The following CYYR1 variants were observed in gnomAD, a reference collection of about 807,000 sequenced individuals.
CYYR1 encodes cysteine and tyrosine rich 1.
A neutral mutation model predicts 15.2 loss-of-function variants in CYYR1; 14 were observed. The observed-to-expected ratio is 0.92, with a 90% CI of 0.61 to 1.44. The LOEUF is 1.44. Among genes scored for constraint, CYYR1 ranks in the 40% most tolerant of loss-of-function variants. CYYR1 has a pLI of 0.00. For missense variants in CYYR1, 228 were observed against 209.5 expected, an observed-to-expected ratio of 1.09 and a Z score of -0.54; for synonymous variants, 80 against 77.4, an observed-to-expected ratio of 1.03 and a Z score of -0.18.
chr21:26,480,235 CA>C, intron 3 of CYYR1, 36 bp downstream of exon 3: 1 of 1,565,786 alleles, frequency 6.4e-7, no homozygotes, highest in Non-Finnish European at 8.6e-7. Flanking sequence ...GGATAACTAG[CA>C]AATCTGAGCC....
chr21:26,523,297 A>G (rs550668263), intron 2 of CYYR1, among the ~76,000 whole-genome samples: 1 of 152,144 alleles, frequency 6.6e-6, no homozygotes, highest in Non-Finnish European at 1.5e-5. Context: ...CTGTGCTGTT[A>G]TCTGAGGAAA....
chr21:26,542,966 T>G (rs1275713133), intron 2 of CYYR1, among the ~76,000 whole-genome samples: 1 of 152,194 alleles, frequency 6.6e-6, no homozygotes, highest in Non-Finnish European at 1.5e-5. Context: ...TTTAGCCCAA[T>G]GCCTAAATGA....
At chr21:26,554,264 T>C (rs1264820845) in intron 2 of CYYR1, among the ~76,000 whole-genome samples, 1 of 152,196 alleles carries the variant, frequency 6.6e-6, no homozygotes, top group Non-Finnish European at 1.5e-5. Context: ...TCAATGGAGA[T>C]GAGCCATTGG....
intron 2 of CYYR1, among the ~76,000 whole-genome samples, chr21:26,545,394 C>T (rs945061435): frequency 8.6e-5 from 13 of 151,968 alleles, no homozygotes; most frequent in Non-Finnish European, 1.6e-4. Context: ...CAGTGGGAAG[C>T]AGCATCCACA....
chr21:26,476,628 C>CTATCTATG (rs1379890581), intron 3 of CYYR1, among the ~76,000 whole-genome samples: 2 of 149,932 alleles, frequency 1.3e-5, no homozygotes, highest in African/African-American at 2.4e-5. Flanking sequence ...ATCTATCTAT[C>CTATCTATG]TAATCTTCTA....
chr21:26,482,158 G>A (rs1440068901), intron 2 of CYYR1: 2 of 447,498 alleles, frequency 4.5e-6, no homozygotes, highest in African/African-American at 4.3e-5. Context: ...ATTTATCCTT[G>A]GTTAAATCAG....
chr21:26,547,073 G>C (rs1290340041), intron 2 of CYYR1, among the ~76,000 whole-genome samples: 1 of 152,074 alleles, frequency 6.6e-6, no homozygotes, highest in East Asian at 1.9e-4. Context: ...AGGGTGCAAG[G>C]ACTCATTTTT....
rs138586377 is a variant in CYYR1, at chr21:26,565,120, C to T, written c.176+1146G>A. Among the ~76,000 whole-genome samples the T allele has an allele frequency of 5.5e-3, 840 of 152,232 alleles. 8 individuals carry two copies. Among genetic ancestry groups the T allele is most frequent in the African/African-American group, 0.019 (785 of 41,548 alleles). ...GGTTTTTAATTATAGCTTGACATTTCTTTCACATCTATTATAGTGTTCAAG... is the reference window on the plus strand; with the variant it reads ...GGTTTTTAATTATAGCTTGACATTTTTTTCACATCTATTATAGTGTTCAAG... On this transcript the variant is annotated intron_variant, in intron 2 of 3. Coordinates refer to ENST00000652641, the MANE Select transcript of CYYR1 (RefSeq NM_001320768.2).
At chr21:26,536,300 A>G (rs984302495) in intron 2 of CYYR1, among the ~76,000 whole-genome samples, 13 of 152,286 alleles carry the variant, frequency 8.5e-5, no homozygotes, top group African/African-American at 2.9e-4. Context: ...GAGAGTAGAC[A>G]TAACTTACTG....
At chr21:26,544,744 A>G (rs1978830779) in intron 2 of CYYR1, among the ~76,000 whole-genome samples, 1 of 152,174 alleles carries the variant, frequency 6.6e-6, no homozygotes, top group Non-Finnish European at 1.5e-5. Flanking sequence ...TAAAAACAAC[A>G]TCTATCTCTA....
intron 2 of CYYR1, among the ~76,000 whole-genome samples, chr21:26,512,554 C>T (rs1316737378): frequency 6.6e-6 from 1 of 152,144 alleles, no homozygotes; most frequent in Non-Finnish European, 1.5e-5. Context: ...CAGATCTGGT[C>T]TGCTGCCTGT....
In CYYR1 at chr21:26,480,260, A is replaced by G. The variant is rs1569140056; in HGVS notation, c.334+12T>C. The stretch of plus-strand genomic sequence containing the variant: ...CAAATCTGAGCCTTCGAGAGTCAAC[A>G]GTTTTGCTCACCAGGATAGGAGGAG... On this transcript the variant is annotated intron_variant, in intron 3 of 3. Transcript: ENST00000652641. 2.5e-6 allele frequency: 4 copies of G among 1,599,358 alleles called. No individual in the cohort carries two copies. Among genetic ancestry groups the G allele is most frequent in the Non-Finnish European group, 3.4e-6 (4 of 1,173,892 alleles).
intron 2 of CYYR1, among the ~76,000 whole-genome samples, chr21:26,528,317 G>A (rs970124995): frequency 6.6e-6 from 1 of 152,114 alleles, no homozygotes; most frequent in African/African-American, 2.4e-5. Context: ...GTGATCCTTA[G>A]TGTTGGAGGT....
chr21:26,530,431 T>C lies in CYYR1; in HGVS notation c.176+35835A>G, dbSNP rs557112730. 5.3e-5 allele frequency among the ~76,000 whole-genome samples: 8 copies of C among 152,174 alleles called. No homozygotes were observed. In the South Asian group the frequency reaches 1.0e-3, roughly 20 times the overall value. ...TTTTGTTTTAAATTTAGCCTTAAAATGTGAGTTTATTGGGCATTTTATAAT... is the reference window on the plus strand; with the variant it reads ...TTTTGTTTTAAATTTAGCCTTAAAACGTGAGTTTATTGGGCATTTTATAAT... On this transcript the variant is annotated intron_variant, in intron 2 of 3. Coordinates refer to ENST00000652641, the MANE Select transcript of CYYR1 (RefSeq NM_001320768.2).
intron 1 of CYYR1, among the ~76,000 whole-genome samples, chr21:26,570,756 G>A (rs999538932): frequency 3.3e-5 from 5 of 152,214 alleles, no homozygotes; most frequent in Non-Finnish European, 5.9e-5. Context: ...TGGTGTTCCA[G>A]CATCTAACCT....
intron 2 of CYYR1, among the ~76,000 whole-genome samples, chr21:26,557,924 T>C (rs1300509055): frequency 1.3e-5 from 2 of 152,194 alleles, no homozygotes; most frequent in Admixed American, 6.6e-5. Flanking sequence ...TCCAGCCTCT[T>C]ATCCAAAGCA....
chr21:26,516,912 G>C (rs372453018), intron 2 of CYYR1, among the ~76,000 whole-genome samples: 8 of 151,244 alleles, frequency 5.3e-5, no homozygotes, highest in Admixed American at 2.0e-4. Flanking sequence ...TCAGGAGATC[G>C]AGACCATCCT....
chr21:26,494,608 A>T (rs1326149984), intron 2 of CYYR1, among the ~76,000 whole-genome samples: 1 of 152,132 alleles, frequency 6.6e-6, no homozygotes, highest in African/African-American at 2.4e-5. Context: ...AAGACGCAGT[A>T]GTTGGTGTGG....
intron 2 of CYYR1, among the ~76,000 whole-genome samples, chr21:26,539,855 G>A (rs1978423619): frequency 6.6e-6 from 1 of 152,096 alleles, no homozygotes; most frequent in Admixed American, 6.5e-5. Context: ...TTCAACCTAT[G>A]TTATTTAACC....
Sources: allele counts gnomAD v4.1 joint callset (sites outside exome capture counted in the v4.1 genomes callset), GRCh38; gene constraint gnomAD v4.1.1; transcripts MANE v1.5; gene names NCBI Gene and HGNC (gene_info 2026-07-23, HGNC 2026-07-21).